ABLIM3: variants seen among roughly 807,000 people sequenced by gnomAD.
The protein encoded by ABLIM3 is actin-binding LIM protein 3.
In ABLIM3, 61 loss-of-function variants were observed where a neutral mutation model predicts 109.5. The observed-to-expected ratio is 0.56, with a 90% CI of 0.45 to 0.69. The LOEUF is 0.69. Among genes scored for constraint, ABLIM3 ranks in the 30% least tolerant of loss-of-function variants. The pLI is 0.00. For missense variants in ABLIM3, 796 were observed against 889.5 expected (o/e 0.89, Z 1.34); for synonymous variants, 300 against 324.8 (o/e 0.92, Z 0.82).
In ABLIM3 at chr5:149,163,130, G is replaced by A. The variant is rs941504714; in HGVS notation, c.14-20322G>A. ...AAGGGTGGAGTGAAGTCATTGAATG[G>A]TTTTAAGTTGCCACTGGAGGTGGTG... On this transcript the variant is annotated intron_variant, in intron 2 of 23. Transcript: ENST00000309868. Among the ~76,000 whole-genome samples, 4 of 152,206 alleles carry A rather than the reference G, an allele frequency of 2.6e-5. No individual in the cohort carries two copies. In the South Asian group the frequency reaches 8.3e-4, roughly 31 times the overall value.
intron 12 of ABLIM3, 124 bp downstream of exon 12, chr5:149,239,401 G>A (rs34180939): frequency 0.44 from 480,753 of 1,089,206 alleles, 107,594 homozygotes; most frequent in East Asian, 0.57. Flanking sequence ...AAGCAGGGAA[G>A]TGCTGGAGAG....
chr5:149,189,737 C>T lies in ABLIM3; in HGVS notation c.151+6148C>T, dbSNP rs76360124. On this transcript the variant is annotated intron_variant, in intron 3 of 23. Coordinates refer to ENST00000309868, the MANE Select transcript of ABLIM3 (RefSeq NM_014945.5). ...ATGAGCATGTGGAGACATTAGAACT[C>T]TCATACATTGCTGGTGGAAAGGAAT... 6.9e-3 allele frequency among the ~76,000 whole-genome samples: 1,057 copies of T among 152,266 alleles called. 13 individuals carry two copies. Among genetic ancestry groups the T allele is most frequent in the African/African-American group, 0.024 (995 of 41,560 alleles).
intron 8 of ABLIM3, chr5:149,219,990 G>A (rs995172436): frequency 4.6e-5 from 7 of 152,130 alleles, no homozygotes; most frequent in Non-Finnish European, 8.8e-5. Flanking sequence ...TGATTACTAA[G>A]TTTTTGACCT....
chr5:149,180,706 A>G (rs1324141605), intron 2 of ABLIM3, among the ~76,000 whole-genome samples: 1 of 152,312 alleles, frequency 6.6e-6, no homozygotes, highest in East Asian at 1.9e-4. Context: ...TTATGGGACT[A>G]TTTACAAACA....
chr5:149,176,065 G>A (rs558024685), intron 2 of ABLIM3, among the ~76,000 whole-genome samples: 3 of 152,276 alleles, frequency 2.0e-5, no homozygotes, highest in South Asian at 2.1e-4. Context: ...AGCCAGGCCC[G>A]GGCCATCTGT....
chr5:149,212,241 T>C (rs1173049622), intron 7 of ABLIM3, among the ~76,000 whole-genome samples: 1 of 152,076 alleles, frequency 6.6e-6, no homozygotes, highest in African/African-American at 2.4e-5. Context: ...TATAAACAAA[T>C]GAGCAGAGCT....
At chr5:149,250,390 G>A in intron 19 of ABLIM3, 57 bp from the exon 20 acceptor site, 1 of 1,578,872 alleles carries the variant, frequency 6.3e-7, no homozygotes, top group Non-Finnish European at 8.7e-7. Context: ...GATGACCTCA[G>A]GGAGAGGGAC....
chr5:149,200,385 G>T lies in ABLIM3; in HGVS notation c.405G>T (p.Gln135His), dbSNP rs527956302. 9 of 1,614,240 alleles carry T rather than the reference G, an allele frequency of 5.6e-6. No homozygotes were observed. The South Asian group carries it at 8.8e-5, about 16-fold the overall frequency. Residue 135 changes from glutamine (Q) to histidine (H), a missense_variant, in exon 5 of 24, where the codon CAG (glutamine) becomes CAT (histidine). By Grantham distance (24) the Gln-to-His change is conservative (BLOSUM62 0). Coordinates refer to ENST00000309868, the MANE Select transcript of ABLIM3 (RefSeq NM_014945.5). ...GKECVCQTCS[Q>H]SMASSKPIKI... ...AATGTGTGTGCCAAACGTGCTCCCA[G>T]TCCATGGCCAGCAGTAAGCCCATCA...
At position 149,252,793 on chromosome 5, in the gene ABLIM3, G is replaced by A; in HGVS notation, c.1894G>A (p.Gly632Arg). 6.2e-7 allele frequency: 1 copy of A among 1,613,456 alleles called. No individual in the cohort carries two copies. The highest frequency in any genetic ancestry group is 8.5e-7 in the Non-Finnish European group (1 of 1,179,556). ...TGAACTGCTGCTGGTGACTACAAGA[G>A]GAAGAAACCGACTGCCCAAGGATGT... ...PYELLLVTTR[G>R]RNRLPKDVDR... is the part of the protein sequence containing the mutation. Residue 632 changes from glycine to arginine, a missense_variant, in exon 23 of 24, where the codon GGA becomes AGA. Coordinates refer to ENST00000309868, the MANE Select transcript of ABLIM3 (RefSeq NM_014945.5).
intron 2 of ABLIM3, among the ~76,000 whole-genome samples, chr5:149,171,317 T>C (rs1208840870): frequency 6.6e-6 from 1 of 152,218 alleles, no homozygotes; most frequent in Non-Finnish European, 1.5e-5. Context: ...TCATTATTAT[T>C]ATAGTAAGCC....
chr5:149,147,429 AT>A (rs1374776407), intron 2 of ABLIM3, among the ~76,000 whole-genome samples: 1 of 152,158 alleles, frequency 6.6e-6, no homozygotes, highest in African/African-American at 2.4e-5. Context: ...GATATGGTGA[AT>A]TAACTTCTTG....
chr5:149,203,070 A>C (rs6880899), intron 5 of ABLIM3, among the ~76,000 whole-genome samples: 66,104 of 151,354 alleles, frequency 0.44, 15,028 homozygotes, highest in East Asian at 0.65. Context: ...ACTAACATCA[A>C]CACCATCACT....
At chr5:149,199,979 G>A (rs1758342189) in intron 4 of ABLIM3, among the ~76,000 whole-genome samples, 1 of 152,214 alleles carries the variant, frequency 6.6e-6, no homozygotes, top group African/African-American at 2.4e-5. Flanking sequence ...AACATATGGG[G>A]ATAAATCAAA....
At chr5:149,172,231 T>C (rs1396843927) in intron 2 of ABLIM3, among the ~76,000 whole-genome samples, 1 of 152,120 alleles carries the variant, frequency 6.6e-6, no homozygotes, top group Non-Finnish European at 1.5e-5. Context: ...CATAAAATAA[T>C]GAAACAGAAT....
At chr5:149,217,175 A>G in intron 8 of ABLIM3, 129 bp downstream of exon 8, 3 of 838,714 alleles carry the variant, frequency 3.6e-6, no homozygotes, top group Non-Finnish European at 5.7e-6. Flanking sequence ...TGTCCTCAGA[A>G]TTGCAATTAA....
rs114287517 is a variant in ABLIM3, at chr5:149,204,176, G to A, written c.449-2832G>A. Among the ~76,000 whole-genome samples, 791 of 152,302 alleles carry A rather than the reference G, an allele frequency of 5.2e-3. 14 individuals carry two copies. The highest frequency in any genetic ancestry group is 0.018 in the African/African-American group (749 of 41,548). On this transcript the variant is annotated intron_variant, in intron 5 of 23. Coordinates refer to ENST00000309868, the MANE Select transcript of ABLIM3 (RefSeq NM_014945.5). ...AAAAGGATAAAAATGGCTGTCTAGC[G>A]TCTTTAGGAGGCCTCAGTTTATAAC...
At chr5:149,213,072 C>T (rs1759716139) in intron 7 of ABLIM3, among the ~76,000 whole-genome samples, 1 of 152,088 alleles carries the variant, frequency 6.6e-6, no homozygotes, top group Admixed American at 6.5e-5. Flanking sequence ...GAGATTGCAC[C>T]ACTACACTCC....
intron 5 of ABLIM3, among the ~76,000 whole-genome samples, 179 bp from the exon 6 acceptor site, chr5:149,206,829 C>G (rs570894801): frequency 6.6e-6 from 1 of 151,996 alleles, no homozygotes; most frequent in Admixed American, 6.5e-5. Flanking sequence ...TGTCAAGAGG[C>G]CAGGACTCCA....
rs764470159 is a variant in ABLIM3 at position 149,246,470 on chromosome 5, G to A, written c.1487-12G>A. 3.1e-6 allele frequency: 5 copies of A among 1,613,942 alleles called. No individual in the cohort carries two copies. In the Admixed American group the frequency reaches 8.3e-5, roughly 27 times the overall value. ...GCACATGCCGGAGCTGATCTTTTCT[G>A]TCTTTTGACAGTGCCCCGAGCCAGA... On this transcript the variant is annotated splice_polypyrimidine_tract_variant and intron_variant, in intron 16 of 23. Transcript: ENST00000309868.
Sources: allele counts gnomAD v4.1 joint callset (sites outside exome capture counted in the v4.1 genomes callset), GRCh38; gene constraint gnomAD v4.1.1; transcripts MANE v1.5; gene names NCBI Gene and HGNC (gene_info 2026-07-23, HGNC 2026-07-21).